The following PRDM5 variants were observed in gnomAD, a reference collection of about 807,000 sequenced individuals.
PRDM5 encodes PR domain zinc finger protein 5.
Under a neutral mutation model 81.2 loss-of-function variants are expected in PRDM5, and 56 were observed. The ratio of observed to expected loss-of-function variants is 0.69; its 90% CI spans 0.56 to 0.86. The LOEUF (loss-of-function observed/expected upper bound fraction) is 0.86. Ranked by LOEUF, PRDM5 falls within the 40% of genes least tolerant of loss-of-function variation. PRDM5 has a pLI of 0.00. For synonymous variants in PRDM5, 267 were observed against 256.4 expected (o/e 1.04, Z -0.39); for missense variants, 697 against 770.1 (o/e 0.91, Z 1.12).
intron 3 of PRDM5, among the ~76,000 whole-genome samples, chr4:120,824,785 T>C (rs1459069816): frequency 1.3e-5 from 2 of 152,166 alleles, no homozygotes; most frequent in Non-Finnish European, 2.9e-5. Context: ...CAATTGGTTT[T>C]AAAACATTTA....
chr4:120,793,199 G>A (rs927521475), intron 10 of PRDM5, among the ~76,000 whole-genome samples: 8 of 152,118 alleles, frequency 5.3e-5, no homozygotes, highest in African/African-American at 1.2e-4. Flanking sequence ...GATCAGTGGC[G>A]GCATTAGATT....
intron 8 of PRDM5, among the ~76,000 whole-genome samples, chr4:120,804,269 A>T (rs916972182): frequency 6.6e-6 from 1 of 151,474 alleles, no homozygotes; most frequent in Admixed American, 6.6e-5. Context: ...TTAACACCCA[A>T]CTGACAACAT....
chr4:120,698,679 T>C (rs36062454), intron 15 of PRDM5, among the ~76,000 whole-genome samples: 26,252 of 152,110 alleles, frequency 0.17, 2,591 homozygotes, highest in Non-Finnish European at 0.24. Context: ...ATTCTTGTCT[T>C]TCAAACCTAA....
chr4:120,903,879 G>T (rs1765470670), intron 2 of PRDM5, among the ~76,000 whole-genome samples: 1 of 152,046 alleles, frequency 6.6e-6, no homozygotes, highest in Admixed American at 6.6e-5. Context: ...CAGCCATATG[G>T]AACTGTGAGA....
At chr4:120,766,093 G>C (rs1270138581) in intron 13 of PRDM5, among the ~76,000 whole-genome samples, 1 of 151,968 alleles carries the variant, frequency 6.6e-6, no homozygotes, top group Non-Finnish European at 1.5e-5. Context: ...ATGAGTAGCT[G>C]GGATTGCAGG....
chr4:120,741,800 G>C (rs2149110105), intron 14 of PRDM5, among the ~76,000 whole-genome samples: 1 of 152,260 alleles, frequency 6.6e-6, no homozygotes, highest in South Asian at 2.1e-4. Flanking sequence ...CTCGCTGATT[G>C]CTAGCACAGC....
chr4:120,850,518 C>G (rs1454984448), intron 3 of PRDM5, among the ~76,000 whole-genome samples: 4 of 152,062 alleles, frequency 2.6e-5, no homozygotes, highest in South Asian at 2.1e-4. Flanking sequence ...AACAAAGATC[C>G]CTATTGTAAT....
chr4:120,904,582 G>C (rs947256918), intron 2 of PRDM5, among the ~76,000 whole-genome samples: 1 of 152,104 alleles, frequency 6.6e-6, no homozygotes, highest in Non-Finnish European at 1.5e-5. Context: ...ATAGCTCCTT[G>C]GGTAGCAGAG....
chr4:120,899,041 T>G (rs562143703), intron 2 of PRDM5, among the ~76,000 whole-genome samples: 1 of 152,328 alleles, frequency 6.6e-6, no homozygotes, highest in East Asian at 1.9e-4. Context: ...TTATTCTCCT[T>G]TTTCATATTT....
intron 14 of PRDM5, among the ~76,000 whole-genome samples, chr4:120,752,304 T>A (rs1219289666): frequency 1.3e-5 from 2 of 152,012 alleles, no homozygotes; most frequent in Non-Finnish European, 2.9e-5. Context: ...TAAAAATGCA[T>A]GAAAAAGGAA....
At chr4:120,782,632 G>T (rs529298105) in intron 11 of PRDM5, among the ~76,000 whole-genome samples, 58 of 152,080 alleles carry the variant, frequency 3.8e-4, no homozygotes, top group Non-Finnish European at 6.6e-4. Context: ...TGAGAGCTTG[G>T]TTTTTTGTGT....
intron 4 of PRDM5, among the ~76,000 whole-genome samples, chr4:120,820,053 T>C (rs762019803): frequency 4.6e-5 from 7 of 152,224 alleles, no homozygotes; most frequent in Non-Finnish European, 7.3e-5. Flanking sequence ...TACTGTATAG[T>C]AAGTATCAGC....
At chr4:120,845,919 T>C (rs186159113) in intron 3 of PRDM5, among the ~76,000 whole-genome samples, 14 of 152,264 alleles carry the variant, frequency 9.2e-5, no homozygotes, top group Admixed American at 6.5e-4. Context: ...ATGGATGACT[T>C]TGAGGTGTTC....
chr4:120,835,953 T>C (rs1244578329), intron 3 of PRDM5, among the ~76,000 whole-genome samples: 3 of 151,986 alleles, frequency 2.0e-5, no homozygotes, highest in African/African-American at 7.2e-5. Flanking sequence ...CTGAAAAGCA[T>C]CAAGTGGCTT....
At chr4:120,901,381 T>C (rs1161889461) in intron 2 of PRDM5, among the ~76,000 whole-genome samples, 1 of 152,248 alleles carries the variant, frequency 6.6e-6, no homozygotes, top group Non-Finnish European at 1.5e-5. Flanking sequence ...AATGACTAAT[T>C]ACCCTGGTAA....
intron 10 of PRDM5, among the ~76,000 whole-genome samples, chr4:120,793,150 C>T (rs1460093241): frequency 6.6e-6 from 1 of 152,106 alleles, no homozygotes; most frequent in Non-Finnish European, 1.5e-5. Flanking sequence ...CAGCCACTCC[C>T]CATCACTCAC....
Position 120,922,276 on chromosome 4 carries a change from G to T in PRDM5, c.93+240C>A, listed in dbSNP as rs541636331. On this transcript the variant is annotated intron_variant, in intron 1 of 15. Coordinates refer to ENST00000264808, the MANE Select transcript of PRDM5 (RefSeq NM_018699.4). Reference sequence around the variant, plus strand: ...TGGCAGTTCCGCCCCTGGACCGGCCGGCAGCGGAGCGCACCCCGCCGCCAC... The same window carrying T: ...TGGCAGTTCCGCCCCTGGACCGGCCTGCAGCGGAGCGCACCCCGCCGCCAC... 1.8e-3 allele frequency among the ~76,000 whole-genome samples: 280 copies of T among 152,212 alleles called. 1 individual carries two copies. The highest frequency in any genetic ancestry group is 1.9e-3 in the Non-Finnish European group (128 of 67,960).
intron 14 of PRDM5, among the ~76,000 whole-genome samples, chr4:120,730,599 C>G (rs1469315179): frequency 6.6e-6 from 1 of 152,126 alleles, no homozygotes; most frequent in Non-Finnish European, 1.5e-5. Flanking sequence ...TACTGTATTA[C>G]TTTTCTAAGA....
At chr4:120,734,575 A>T (rs906622691) in intron 14 of PRDM5, among the ~76,000 whole-genome samples, 1 of 152,214 alleles carries the variant, frequency 6.6e-6, no homozygotes, top group Non-Finnish European at 1.5e-5. Flanking sequence ...CAAGATTCAG[A>T]CAGAGCATGT....
Sources: gnomAD v4.1 joint callset for allele counts (sites outside exome capture counted in the v4.1 genomes callset) on GRCh38, gnomAD v4.1.1 for gene constraint, MANE v1.5 for transcripts, NCBI Gene and HGNC (gene_info 2026-07-23, HGNC 2026-07-21) for gene names.